The following USP33 variants were observed in gnomAD, a reference collection of about 807,000 sequenced individuals.
USP33 encodes ubiquitin specific peptidase 33.
Under a neutral mutation model 124.2 loss-of-function variants are expected in USP33, and 46 were observed. That is an observed-to-expected ratio of 0.37 (90% CI 0.29 to 0.47). USP33 has a LOEUF of 0.47. Ranked by LOEUF, USP33 falls within the 20% of genes least tolerant of loss-of-function variation. The pLI is 0.99. For synonymous variants in USP33, 350 were observed against 352.3 expected, an observed-to-expected ratio of 0.99 and a Z score of 0.07; for missense variants, 851 against 1,070.6, an observed-to-expected ratio of 0.79 and a Z score of 2.86.
chr1:77,715,770 T>C lies in USP33; in HGVS notation c.2017A>G (p.Asn673Asp), dbSNP rs760335182. ...TAGAAAAGAACGTAAGCTTCTGCAT[T>C]TTGTACAGTAGATTCTGAAACTTCA... ...VTEVSESTVQ[N>D]AEAYVLFYRK... The change falls in exon 18 of 24, where the codon AAT becomes GAT. Residue 673 changes from asparagine (N) to aspartate (D), a missense_variant. Transcript: ENST00000370794. 1.9e-6 allele frequency: 3 copies of C among 1,613,814 alleles called. No individual in the cohort carries two copies. In the South Asian group the frequency reaches 3.3e-5, roughly 18 times the overall value.
In USP33 at chr1:77,718,004, A is replaced by T. The variant is rs753953900; in HGVS notation, c.1781T>A (p.Phe594Tyr). ...HLKRFRHELMFSTKISTHVSF... is the reference protein window; with the variant it reads ...HLKRFRHELMYSTKISTHVSF... ...AACATGGGTACTGATTTTGGTGGAA[A>T]ACATTAGTTCATGTCTGAATCTTTT... The change falls in exon 17 of 24, where the codon TTT (phenylalanine) becomes TAT (tyrosine). Residue 594 changes from phenylalanine (F) to tyrosine (Y), a missense_variant. Physicochemically the swap from Phe to Tyr is conservative, Grantham distance 22. This residue lies in a region of USP33 where 281 missense variants were observed against 425.0 expected (regional missense o/e 0.66). Coordinates refer to ENST00000370794, the MANE Select transcript of USP33 (RefSeq NM_201624.3). 6.2e-7 allele frequency: 1 copy of T among 1,612,634 alleles called. No homozygotes were observed. Among genetic ancestry groups the T allele is most frequent in the Non-Finnish European group, 8.5e-7 (1 of 1,179,386 alleles).
intron 21 of USP33, among the ~76,000 whole-genome samples, chr1:77,702,088 G>C (rs1674077549): frequency 7.4e-6 from 1 of 135,652 alleles, no homozygotes; most frequent in African/African-American, 2.8e-5. Flanking sequence ...ACTACAGTGA[G>C]CCGTGATTGT....
chr1:77,705,607 T>C (rs1335236368), intron 21 of USP33, among the ~76,000 whole-genome samples: 4 of 151,800 alleles, frequency 2.6e-5, no homozygotes, highest in African/African-American at 9.7e-5. Flanking sequence ...AATCCCCTAT[T>C]CTCAGCCTCC....
chr1:77,713,423 C>T (rs1317927609), intron 19 of USP33, 142 bp from the exon 20 acceptor site: 1 of 697,390 alleles, frequency 1.4e-6, no homozygotes, highest in Non-Finnish European at 2.3e-6. Flanking sequence ...GTTCTGTCAC[C>T]CAGTCCAGAG....
intron 22 of USP33, among the ~76,000 whole-genome samples, chr1:77,698,156 T>C (rs749586500): frequency 2.6e-5 from 4 of 151,204 alleles, no homozygotes; most frequent in Non-Finnish European, 5.9e-5. Context: ...ACCTCCGCCT[T>C]GGGTTCAAGT....
chr1:77,715,261 C>T (rs1447805382), intron 18 of USP33, among the ~76,000 whole-genome samples: 1 of 152,028 alleles, frequency 6.6e-6, no homozygotes, highest in African/African-American at 2.4e-5. Flanking sequence ...GGCTGGAGTG[C>T]AGTGGCGCAA....
intron 21 of USP33, among the ~76,000 whole-genome samples, chr1:77,705,619 A>G (rs1040160581): frequency 6.6e-6 from 1 of 152,094 alleles, no homozygotes; most frequent in African/African-American, 2.4e-5. Context: ...TCAGCCTCCC[A>G]AAGTGCTAGC....
chr1:77,717,609 G>A (rs1303081869), intron 17 of USP33: 1 of 241,120 alleles, frequency 4.1e-6, no homozygotes, highest in African/African-American at 2.2e-5. Flanking sequence ...TTAATAATTA[G>A]CAGTAACATC....
chr1:77,698,373 T>C (rs1206490087), intron 22 of USP33, among the ~76,000 whole-genome samples: 1 of 148,590 alleles, frequency 6.7e-6, no homozygotes, highest in African/African-American at 2.5e-5. Flanking sequence ...ACACCTGGCC[T>C]ATGGTTAATT....
intron 21 of USP33, among the ~76,000 whole-genome samples, chr1:77,709,337 T>C (rs6693100): frequency 0.29 from 43,875 of 151,756 alleles, 6,829 homozygotes; most frequent in African/African-American, 0.39. Flanking sequence ...AGCAAGACAC[T>C]GTCTCTACAA....
chr1:77,699,781 A>C (rs1371712217), intron 22 of USP33, among the ~76,000 whole-genome samples: 1 of 152,174 alleles, frequency 6.6e-6, no homozygotes, highest in Non-Finnish European at 1.5e-5. Flanking sequence ...AGCAAAGATA[A>C]GGAATCAACC....
intron 1 of USP33, among the ~76,000 whole-genome samples, chr1:77,744,546 T>G (rs1487070570): frequency 6.6e-6 from 1 of 151,982 alleles, no homozygotes; most frequent in East Asian, 1.9e-4. Flanking sequence ...AAGAAAATCT[T>G]AAAAAATAGC....
At chr1:77,699,670 G>C (rs1037475382) in intron 22 of USP33, among the ~76,000 whole-genome samples, 5 of 152,174 alleles carry the variant, frequency 3.3e-5, no homozygotes, top group African/African-American at 1.2e-4. Flanking sequence ...AATACCATTT[G>C]ACCCAGCAAT....
chr1:77,701,976 C>A (rs569829471), intron 21 of USP33, among the ~76,000 whole-genome samples: 105 of 151,432 alleles, frequency 6.9e-4, no homozygotes, highest in South Asian at 6.3e-3. Context: ...CCTACACACA[C>A]AAAAAATTTT....
chr1:77,725,173 G>C lies in USP33; in HGVS notation c.1276+449C>G, dbSNP rs377281485. On this transcript the variant is annotated intron_variant, in intron 11 of 23. Transcript: ENST00000370794. Reference sequence around the variant, plus strand: ...TGTTTCAAAAGACTACATATGAAAAGATTTAAAAAAATCAAAAGACTACAT... The same window carrying C: ...TGTTTCAAAAGACTACATATGAAAACATTTAAAAAAATCAAAAGACTACAT... 1.4e-4 allele frequency among the ~76,000 whole-genome samples: 21 copies of C among 152,158 alleles called. No individual in the cohort carries two copies. In the South Asian group the frequency reaches 3.5e-3, roughly 26 times the overall value.
At chr1:77,754,731 A>C (rs532558996) in intron 1 of USP33, among the ~76,000 whole-genome samples, 51 of 152,220 alleles carry the variant, frequency 3.4e-4, no homozygotes, top group Non-Finnish European at 6.8e-4. Flanking sequence ...GATCCTTAAG[A>C]GTCTAATTAA....
At chr1:77,755,888 A>G (rs769134774) in intron 1 of USP33, among the ~76,000 whole-genome samples, 5 of 152,190 alleles carry the variant, frequency 3.3e-5, no homozygotes, top group East Asian at 1.9e-4. Flanking sequence ...GCCAGACATT[A>G]TAAGTTTGTG....
chr1:77,747,611 ATTAAC>A (rs1679875565), intron 1 of USP33, among the ~76,000 whole-genome samples: 1 of 152,130 alleles, frequency 6.6e-6, no homozygotes, highest in Admixed American at 6.5e-5. Flanking sequence ...CAATACTGTT[ATTAAC>A]TTTCTTATGG....
intron 1 of USP33, among the ~76,000 whole-genome samples, chr1:77,753,704 T>C (rs1055928111): frequency 5.9e-5 from 9 of 151,878 alleles, no homozygotes; most frequent in African/African-American, 2.2e-4. Flanking sequence ...CAGTGGTAAG[T>C]TTCTTCTCTT....
Sources: gnomAD v4.1 joint callset for allele counts (sites outside exome capture counted in the v4.1 genomes callset) on GRCh38, gnomAD v4.1.1 for gene constraint, gnomAD v4.1.1 regional missense constraint, MANE v1.5 for transcripts, NCBI Gene and HGNC (gene_info 2026-07-23, HGNC 2026-07-21) for gene names.